MAP3K14: variants seen among roughly 807,000 people sequenced by gnomAD.
The protein encoded by MAP3K14 is mitogen-activated protein kinase kinase kinase 14.
In MAP3K14, 16 loss-of-function variants were observed where a neutral mutation model predicts 99.2. The ratio of observed to expected loss-of-function variants is 0.16; its 90% CI spans 0.11 to 0.24. The LOEUF is 0.24. Ranked by LOEUF, MAP3K14 falls within the 10% of genes least tolerant of loss-of-function variation. The pLI, the probability that MAP3K14 is intolerant of heterozygous loss-of-function variation, is 1.00. For missense variants in MAP3K14, 784 were observed against 1,208.7 expected (o/e 0.65, Z 5.21); for synonymous variants, 462 against 492.4 (o/e 0.94, Z 0.82).
At chr17:45,307,173 G>A (rs1053407572) in intron 1 of MAP3K14, among the ~76,000 whole-genome samples, 5 of 152,028 alleles carry the variant, frequency 3.3e-5, no homozygotes, top group African/African-American at 1.2e-4. Context: ...CACAAGAATC[G>A]CTTGAACCCG....
chr17:45,287,406 G>A (rs1227286987), intron 3 of MAP3K14, 42 bp from the exon 4 acceptor site: 1 of 1,557,836 alleles, frequency 6.4e-7, no homozygotes, highest in Non-Finnish European at 8.8e-7. Flanking sequence ...GCACGAGGAA[G>A]CAGGAAGATG....
At position 45,271,187 on chromosome 17, in the gene MAP3K14, A is replaced by C; in HGVS notation, c.1692T>G (p.Ala564=). 1 of 1,612,780 alleles carries C rather than the reference A, an allele frequency of 6.2e-7. No homozygotes were observed. The highest frequency in any genetic ancestry group is 8.5e-7 in the Non-Finnish European group (1 of 1,179,594). The change falls in exon 10 of 16, where the codon GCT becomes GCG. Residue 564 remains alanine, a synonymous_variant. Coordinates refer to ENST00000344686, the MANE Select transcript of MAP3K14 (RefSeq NM_003954.5). ...AGCTCCTGCCCAGCACCACCTCCGG[A>C]GCCATGTGGGTCTCTGTGCCAGGGA... is the stretch of plus-strand genomic sequence containing the variant. ...DYIPGTETHM[A]PEVVLGRSCD...
In MAP3K14 at chr17:45,289,230, G is replaced by T. The variant is rs1316770438; in HGVS notation, c.326+6C>A. ...CTTCCCACTCAGGCTTGTCTCCCCTGCTTACCTGTACTGTTTGGACCCAGC... is the reference window on the plus strand; with the variant it reads ...CTTCCCACTCAGGCTTGTCTCCCCTTCTTACCTGTACTGTTTGGACCCAGC... On this transcript the variant is annotated splice_donor_region_variant and intron_variant, in intron 3 of 15. Coordinates refer to ENST00000344686, the MANE Select transcript of MAP3K14 (RefSeq NM_003954.5). The T allele has an allele frequency of 4.3e-6, 7 of 1,613,606 alleles. No homozygotes were observed. Among genetic ancestry groups the T allele is most frequent in the Non-Finnish European group, 4.2e-6 (5 of 1,179,572 alleles).
intron 6 of MAP3K14, 31 bp from the exon 7 acceptor site, chr17:45,274,624 A>G (rs1317681126): frequency 1.2e-6 from 2 of 1,609,228 alleles, no homozygotes; most frequent in Non-Finnish European, 8.5e-7. Flanking sequence ...CTGTTAAGAC[A>G]GGGTGAGGGG....
intron 3 of MAP3K14, among the ~76,000 whole-genome samples, 171 bp from the exon 4 acceptor site, chr17:45,287,535 T>C (rs2044277570): frequency 6.6e-6 from 1 of 152,212 alleles, no homozygotes; most frequent in Non-Finnish European, 1.5e-5. Flanking sequence ...TTCTCACTTA[T>C]CTCACTTATA....
intron 1 of MAP3K14, among the ~76,000 whole-genome samples, chr17:45,295,164 G>A (rs1017132720): frequency 1.3e-5 from 2 of 151,802 alleles, no homozygotes; most frequent in African/African-American, 4.8e-5. Flanking sequence ...GTTTTAGCAA[G>A]TACAACATAG....
intron 1 of MAP3K14, among the ~76,000 whole-genome samples, chr17:45,314,418 G>A (rs1456162926): frequency 2.0e-5 from 3 of 152,154 alleles, no homozygotes; most frequent in Non-Finnish European, 4.4e-5. Context: ...CATCCTTAGA[G>A]CTCCCTAAAT....
At chr17:45,285,640 C>CA (rs1392138393) in intron 5 of MAP3K14, among the ~76,000 whole-genome samples, 2 of 150,188 alleles carry the variant, frequency 1.3e-5, no homozygotes, top group Non-Finnish European at 3.0e-5. Flanking sequence ...CAAAACAAAA[C>CA]AAAAAAATTA....
At chr17:45,291,313 T>C (rs1255728461) in intron 1 of MAP3K14, among the ~76,000 whole-genome samples, 1 of 152,112 alleles carries the variant, frequency 6.6e-6, no homozygotes, top group Non-Finnish European at 1.5e-5. Context: ...TGTGTGTGTG[T>C]GTGTGTGTCC....
intron 11 of MAP3K14, among the ~76,000 whole-genome samples, chr17:45,270,121 C>T (rs1209954022): frequency 6.6e-6 from 1 of 152,170 alleles, no homozygotes; most frequent in Non-Finnish European, 1.5e-5. Context: ...GAAATCCCCA[C>T]ACATGTGGTC....
At position 45,272,919 on chromosome 17, in the gene MAP3K14, G is replaced by A. The variant is rs1333470806; in HGVS notation, c.1657+584C>T. On this transcript the variant is annotated intron_variant, in intron 9 of 15. Coordinates refer to ENST00000344686, the MANE Select transcript of MAP3K14 (RefSeq NM_003954.5). The surrounding 1 kb of genome is among the most constrained non-coding windows in gnomAD (Gnocchi z 4.1). ...TGTGCCACTGCACTCCAGCCTGGGT[G>A]ACAGAGTGAGACTCTGTCTCAATGA... 3.3e-5 allele frequency among the ~76,000 whole-genome samples: 5 copies of A among 152,190 alleles called. No individual in the cohort carries two copies. The highest frequency in any genetic ancestry group is 1.2e-4 in the African/African-American group (5 of 41,434).
At chr17:45,269,142 C>T (rs2044122820) in intron 11 of MAP3K14, among the ~76,000 whole-genome samples, 1 of 152,154 alleles carries the variant, frequency 6.6e-6, no homozygotes, top group South Asian at 2.1e-4. Flanking sequence ...TCCTGAGTAG[C>T]TAGGACTACA....
At chr17:45,284,790 C>A in intron 6 of MAP3K14, 22 bp downstream of exon 6, 1 of 1,577,676 alleles carries the variant, frequency 6.3e-7, no homozygotes, top group East Asian at 2.3e-5. Context: ...CCTCTTCACT[C>A]AGCCCCTGAG....
chr17:45,286,930 C>T lies in MAP3K14; in HGVS notation c.653G>A (p.Arg218Gln), dbSNP rs199558586. ...GAGTTCTGATCGAGGCAGAGCCGGC[C>T]GTAGGCCCTCGCCAAGCTGCTTAAA... ...LCFKQLGEGLRPALPRSELHK... is the reference protein window; with the variant it reads ...LCFKQLGEGLQPALPRSELHK... The change falls in exon 5 of 16, where the codon CGG (arginine) becomes CAG (glutamine). Residue 218 changes from arginine to glutamine, a missense_variant. Arg to Gln is a conservative substitution (Grantham distance 43, BLOSUM62 1). This residue lies in a region of MAP3K14 where 188 missense variants were observed against 313.0 expected (regional missense o/e 0.60). Coordinates refer to ENST00000344686, the MANE Select transcript of MAP3K14 (RefSeq NM_003954.5). The surrounding 1 kb of genome is among the most constrained non-coding windows in gnomAD (Gnocchi z 4.1). The T allele has an allele frequency of 2.9e-5, 46 of 1,613,926 alleles. No homozygotes were observed. The Admixed American group carries it at 4.2e-4, about 15-fold the overall frequency.
At chr17:45,276,079 G>T (rs536544245) in intron 6 of MAP3K14, among the ~76,000 whole-genome samples, 27 of 151,824 alleles carry the variant, frequency 1.8e-4, no homozygotes, top group Non-Finnish European at 1.9e-4. Context: ...TTTCTTTCCC[G>T]GAGGACTAAA....
At chr17:45,308,309 G>C (rs555547277) in intron 1 of MAP3K14, among the ~76,000 whole-genome samples, 39 of 152,262 alleles carry the variant, frequency 2.6e-4, no homozygotes, top group African/African-American at 8.7e-4. Context: ...TGAAACCCTT[G>C]AAAGGCCTTC....
At chr17:45,279,054 C>T (rs2044199951) in intron 6 of MAP3K14, among the ~76,000 whole-genome samples, 1 of 152,208 alleles carries the variant, frequency 6.6e-6, no homozygotes, top group Non-Finnish European at 1.5e-5. Context: ...ACAGAAGCCA[C>T]TTCCTTCCCC....
chr17:45,289,360 T>A, intron 2 of MAP3K14, 55 bp from the exon 3 acceptor site: 1 of 1,419,210 alleles, frequency 7.0e-7, no homozygotes, highest in East Asian at 2.3e-5. Context: ...AATTTAGCAC[T>A]TAGGGGAGAG....
At chr17:45,292,477 C>G (rs1457115991) in intron 1 of MAP3K14, among the ~76,000 whole-genome samples, 3 of 152,110 alleles carry the variant, frequency 2.0e-5, no homozygotes, top group African/African-American at 7.2e-5. Context: ...GGGAGGAATG[C>G]TTGAGCCCAG....
Sources: allele counts gnomAD v4.1 joint callset (sites outside exome capture counted in the v4.1 genomes callset), GRCh38; gene constraint gnomAD v4.1.1; regional missense constraint gnomAD v4.1.1; non-coding constraint Gnocchi (gnomAD v3.1); transcripts MANE v1.5; gene names NCBI Gene and HGNC (gene_info 2026-07-23, HGNC 2026-07-21).